Variants in METTL3 observed in about 807,000 individuals in gnomAD.
The protein encoded by METTL3 is N(6)-adenosine-methyltransferase catalytic subunit METTL3.
A neutral mutation model predicts 64.3 loss-of-function variants in METTL3; 42 were observed. That is an observed-to-expected ratio of 0.65 (90% CI 0.51 to 0.84). The LOEUF is 0.84. METTL3 is among the 40% of genes least tolerant of loss of function. The probability of loss-of-function intolerance (pLI) is 0.00; values close to 1 mark genes in which losing one functional copy is unlikely to be tolerated. For missense variants in METTL3, 435 were observed against 722.3 expected (o/e 0.60, Z 4.56); for synonymous variants, 256 against 263.6 (o/e 0.97, Z 0.28).
chr14:21,499,292 T>C lies in METTL3; in HGVS notation c.1518+14A>G, dbSNP rs776474375. ...CAAAAATGTGGAAGCTTTGGAGGCCTGGGAAGCACATACCTCAGCTACGAT... is the reference window on the plus strand; with the variant it reads ...CAAAAATGTGGAAGCTTTGGAGGCCCGGGAAGCACATACCTCAGCTACGAT... On this transcript the variant is annotated intron_variant, in intron 9 of 10. Transcript: ENST00000298717. 67 of 1,614,052 alleles carry C rather than the reference T, an allele frequency of 4.2e-5. 1 individual carries two copies. The East Asian group carries it at 7.1e-4, about 17-fold the overall frequency.
intron 6 of METTL3, 129 bp from the exon 7 acceptor site, chr14:21,499,931 C>A: frequency 1.2e-6 from 1 of 802,280 alleles, no homozygotes; most frequent in Non-Finnish European, 2.1e-6. Context: ...ATGCACACCA[C>A]CAAAAGCATG....
In METTL3 at chr14:21,503,019, G is replaced by C. The variant is rs183943893; in HGVS notation, c.723+154C>G. The C allele has an allele frequency of 8.0e-5, 67 of 839,898 alleles. 2 individuals carry two copies. The South Asian group carries it at 1.2e-3, about 14-fold the overall frequency. 52.0% of individuals were successfully genotyped at this position (839,898 alleles called of 1,614,324 possible). A position where few individuals can be genotyped will look rare whatever the true frequency, so the allele number is the denominator to read the frequency against. ...CATGTGTGACAATAAAAATGTCTCC[G>C]GACATTACCAGATCCCCTGGGAGTT... On this transcript the variant is annotated intron_variant, in intron 3 of 10. Coordinates refer to ENST00000298717, the MANE Select transcript of METTL3 (RefSeq NM_019852.5).
chr14:21,507,487 G>A (rs889286503), intron 1 of METTL3, among the ~76,000 whole-genome samples: 5 of 152,064 alleles, frequency 3.3e-5, no homozygotes, highest in African/African-American at 9.6e-5. Context: ...GTGAAACCCC[G>A]TCTCTACTAA....
chr14:21,506,229 C>G (rs1594444018), intron 1 of METTL3, among the ~76,000 whole-genome samples: 1 of 151,904 alleles, frequency 6.6e-6, no homozygotes, highest in Non-Finnish European at 1.5e-5. Flanking sequence ...TCTAGCAATT[C>G]CACTTTTGGG....
rs1164444833 is a variant in METTL3 at position 21,501,923 on chromosome 14, G to A, written c.724-20C>T. On this transcript the variant is annotated intron_variant, in intron 3 of 10. Transcript: ENST00000298717. ...ACTGACCTGTGACAGAAGTAGCCTT[G>A]GACTTAAAATGTCTTATAGATCAAA... 1.9e-6 allele frequency: 3 copies of A among 1,610,056 alleles called. No individual in the cohort carries two copies. Among genetic ancestry groups the A allele is most frequent in the Non-Finnish European group, 1.7e-6 (2 of 1,177,696 alleles).
chr14:21,498,782 C>G, intron 10 of METTL3: 1 of 509,164 alleles, frequency 2.0e-6, no homozygotes, highest in African/African-American at 1.9e-5. Context: ...TGAGGAAGAT[C>G]CTTGGGTTGT....
intron 9 of METTL3, 33 bp downstream of exon 9, chr14:21,499,273 T>C (rs1891494679): frequency 1.2e-6 from 2 of 1,613,440 alleles, no homozygotes; most frequent in Non-Finnish European, 8.5e-7. Context: ...CCAACAAAAA[T>C]GTGGAAGCTT....
intron 5 of METTL3, 110 bp from the exon 6 acceptor site, chr14:21,500,792 C>T: frequency 7.1e-7 from 1 of 1,407,274 alleles, no homozygotes; most frequent in Non-Finnish European, 9.7e-7. Context: ...TTATCTATCC[C>T]CCTCCATTCC....
intron 1 of METTL3, among the ~76,000 whole-genome samples, chr14:21,505,604 T>C (rs1041247640): frequency 2.6e-5 from 4 of 152,188 alleles, no homozygotes; most frequent in African/African-American, 9.7e-5. Flanking sequence ...TTAATACAAT[T>C]GTTATTCAGG....
rs899090372 is a variant in METTL3 at position 21,503,100 on chromosome 14, C to T, written c.723+73G>A. ...CCACTGCTGTAAACAGTTCCTTGCC[C>T]TAGGGGTAAATCCCTGTCAAACAAA... is the stretch of plus-strand genomic sequence containing the variant. On this transcript the variant is annotated intron_variant, in intron 3 of 10. Transcript: ENST00000298717. 4 of 1,492,248 alleles carry T rather than the reference C, an allele frequency of 2.7e-6. No homozygotes were observed. In the African/African-American group the frequency reaches 5.6e-5, roughly 21 times the overall value. 92.4% of individuals were successfully genotyped at this position (1,492,248 alleles called of 1,614,324 possible). A position where few individuals can be genotyped will look rare whatever the true frequency, so the allele number is the denominator to read the frequency against.
Sources: allele counts gnomAD v4.1 joint callset (sites outside exome capture counted in the v4.1 genomes callset), GRCh38; gene constraint gnomAD v4.1.1; transcripts MANE v1.5; gene names NCBI Gene and HGNC (gene_info 2026-07-23, HGNC 2026-07-21).